RPL39: variants seen among roughly 807,000 people sequenced by gnomAD.
RPL39 encodes ribosomal protein L39.
For synonymous variants in RPL39, 8 were observed against 11.4 expected (o/e 0.70, Z 0.60); for missense variants, 6 against 37.2 (o/e 0.16, Z 2.18).
Position 119,791,569 on chromosome X carries a change from C to T in RPL39, c.3+5G>A. On this transcript the variant is annotated splice_donor_5th_base_variant and intron_variant, in intron 1 of 2. Coordinates refer to ENST00000361575, the MANE Select transcript of RPL39 (RefSeq NM_001000.4). ...CCCGGGGCCGATGGGGGCCGATGGA[C>T]TTACCATGGCGAGCAGCGGAGTCAA... is the stretch of plus-strand genomic sequence containing the variant. 1 of 1,173,551 alleles carries T rather than the reference C, an allele frequency of 8.5e-7. No homozygotes were observed. Among genetic ancestry groups the T allele is most frequent in the Non-Finnish European group, 1.1e-6 (1 of 875,440 alleles).
chrX:119,791,547 G>A (rs1354048285), intron 1 of RPL39, 27 bp downstream of exon 1: 3 of 1,135,362 alleles, frequency 2.6e-6, no homozygotes, highest in Non-Finnish European at 3.5e-6. Context: ...AAGCCACCCC[G>A]GGGCCGATGG....
At position 119,788,531 on chromosome X, in the gene RPL39, C is replaced by CAAA. The variant is rs11410623; in HGVS notation, c.107+1374_107+1376dup. 2.1e-3 allele frequency among the ~76,000 whole-genome samples: 190 copies of CAAA among 91,624 alleles called. 2 individuals carry two copies. The highest frequency in any genetic ancestry group is 7.4e-3 in the African/African-American group (185 of 24,997). The allele number at this position is 91,624 out of a possible 115,157, so 79.6% of individuals were successfully genotyped here. On this transcript the variant is annotated intron_variant, in intron 2 of 2. Coordinates refer to ENST00000361575, the MANE Select transcript of RPL39 (RefSeq NM_001000.4). The stretch of plus-strand genomic sequence containing the variant: ...GGGCAATGAGAGCAAAACTCCATCT[C>CAAA]AAAAAAAAAAAAAAGAGAAAGTGCT...
intron 1 of RPL39, chrX:119,790,378 G>C (rs1358876313): frequency 7.6e-6 from 1 of 131,169 alleles, no homozygotes; most frequent in African/African-American, 3.1e-5. Context: ...AATGGCTAGG[G>C]AATCTGGCTT....
At chrX:119,789,513 T>C (rs2147733967) in intron 2 of RPL39, among the ~76,000 whole-genome samples, 1 of 112,116 alleles carries the variant, frequency 8.9e-6, no homozygotes, top group East Asian at 2.8e-4. Context: ...GCCGAGATTG[T>C]GCCACTGCAC....
At chrX:119,790,150 C>A in intron 1 of RPL39, 139 bp from the exon 2 acceptor site, 1 of 411,445 alleles carries the variant, frequency 2.4e-6, no homozygotes, top group Non-Finnish European at 4.3e-6. Context: ...AGCCATCAAG[C>A]CAAGCAAGTC....
chrX:119,786,660 G>C lies in RPL39; in HGVS notation c.*24C>G. The C allele has an allele frequency of 9.0e-7, 1 of 1,109,029 alleles. No homozygotes were observed. Among genetic ancestry groups the C allele is most frequent in the Non-Finnish European group, 1.2e-6 (1 of 805,606 alleles). 91.4% of individuals were successfully genotyped at this position (1,109,029 alleles called of 1,213,427 possible). The stretch of plus-strand genomic sequence containing the variant: ...CGTGACCTTCAGACAGCATAAATAT[G>C]TGTGCCATCTCATGTGCAATTCCTT... On this transcript the variant is annotated 3_prime_UTR_variant, in exon 3 of 3. Transcript: ENST00000361575.
In RPL39 at chrX:119,786,651, C is replaced by A. The variant is rs751288978; in HGVS notation, c.*33G>T. ...TAACATGATCGTGACCTTCAGACAG[C>A]ATAAATATGTGTGCCATCTCATGTG... On this transcript the variant is annotated 3_prime_UTR_variant, in exon 3 of 3. Coordinates refer to ENST00000361575, the MANE Select transcript of RPL39 (RefSeq NM_001000.4). 2 of 1,075,692 alleles carry A rather than the reference C, an allele frequency of 1.9e-6. No individual in the cohort carries two copies. Among genetic ancestry groups the A allele is most frequent in the Non-Finnish European group, 2.6e-6 (2 of 775,880 alleles). The allele number at this position is 1,075,692 out of a possible 1,213,427, so 88.6% of individuals were successfully genotyped here.
intron 2 of RPL39, among the ~76,000 whole-genome samples, chrX:119,787,854 C>T (rs999767398): frequency 2.6e-4 from 29 of 110,633 alleles, no homozygotes; most frequent in Non-Finnish European, 3.8e-5. Flanking sequence ...GGGGTGGTCT[C>T]CCTATGTTGC....
chrX:119,787,205 T>C (rs1455939140), intron 2 of RPL39: 1 of 271,227 alleles, frequency 3.7e-6, no homozygotes, highest in Non-Finnish European at 6.9e-6. Context: ...CAGGCTGGTC[T>C]CGAACTGGCT....
At chrX:119,788,531 C>CA (rs11410623) in intron 2 of RPL39, among the ~76,000 whole-genome samples, 14,124 of 91,470 alleles carry the variant, frequency 0.15, 1,479 homozygotes, top group African/African-American at 0.34. Context: ...AACTCCATCT[C>CA]AAAAAAAAAA....
chrX:119,787,151 G>T (rs1319014783), intron 2 of RPL39: 1 of 244,486 alleles, frequency 4.1e-6, no homozygotes, highest in African/African-American at 2.9e-5. Context: ...GCTAATTTTT[G>T]TATTTTTGTA....
At chrX:119,791,515 G>A in intron 1 of RPL39, 59 bp downstream of exon 1, 2 of 1,069,887 alleles carry the variant, frequency 1.9e-6, no homozygotes, top group Non-Finnish European at 2.4e-6. Context: ...GGCATTTCCT[G>A]GCAGCGGCCT....
Position 119,786,584 on chromosome X carries a change from T to C in RPL39, c.*100A>G, listed in dbSNP as rs112173203. 2.9e-3 allele frequency: 1,848 copies of C among 629,465 alleles called. 22 individuals carry two copies. In the African/African-American group the frequency reaches 0.036, roughly 12 times the overall value. 51.9% of individuals were successfully genotyped at this position (629,465 alleles called of 1,213,427 possible). ...TAACAGATTCAGAGAGGAAAACACG[T>C]CGAAATCTCCAGATAGTGGTGACAT... On this transcript the variant is annotated 3_prime_UTR_variant, in exon 3 of 3. Transcript: ENST00000361575.
At chrX:119,787,201 G>A (rs1333447632) in intron 2 of RPL39, 2 of 264,204 alleles carry the variant, frequency 7.6e-6, no homozygotes, top group Admixed American at 8.9e-5. Flanking sequence ...TGGCCAGGCT[G>A]GTCTCGAACT....
Position 119,791,609 on chromosome X carries a change from G to A in RPL39, c.-33C>T, listed in dbSNP as rs747983163. The stretch of plus-strand genomic sequence containing the variant: ...AGCGGAGTCAAGAACACACCACGAT[G>A]GCGGAGAAAGGAAGAGGAGGGAAGC... On this transcript the variant is annotated 5_prime_UTR_variant, in exon 1 of 3. Transcript: ENST00000361575. The A allele has an allele frequency of 1.7e-6, 2 of 1,159,991 alleles. No individual in the cohort carries two copies. The highest frequency in any genetic ancestry group is 1.8e-5 in the African/African-American group (1 of 55,492).
chrX:119,786,729 G>A lies in RPL39; in HGVS notation c.111C>T (p.Tyr37=). 1 of 1,203,436 alleles carries A rather than the reference G, an allele frequency of 8.3e-7. No homozygotes were observed. The highest frequency in any genetic ancestry group is 1.1e-6 in the Non-Finnish European group (1 of 889,452). ...TTCTCCAATGTCTCCTTTTGGAGTT[G>A]TACCTACACAGAAAAAAATGTCAAG... ...IRMKTGNKIR[Y]NSKRRHWRRT... is the part of the protein sequence containing the mutation. Residue 37 remains tyrosine (Y), a synonymous_variant, in exon 3 of 3, where the codon TAC becomes TAT. Coordinates refer to ENST00000361575, the MANE Select transcript of RPL39 (RefSeq NM_001000.4).
chrX:119,791,446 G>T, intron 1 of RPL39, 128 bp downstream of exon 1: 1 of 607,946 alleles, frequency 1.6e-6, no homozygotes, highest in South Asian at 5.9e-5. Flanking sequence ...GGCCGAACTG[G>T]ATATTTTCTT....
At chrX:119,788,965 G>T (rs980898466) in intron 2 of RPL39, among the ~76,000 whole-genome samples, 3 of 112,150 alleles carry the variant, frequency 2.7e-5, no homozygotes, top group Non-Finnish European at 5.6e-5. Context: ...TTAGAAAAGA[G>T]AAACATCTAA....
Position 119,786,548 on chromosome X carries a change from C to G in RPL39, c.*136G>C. 4 of 488,177 alleles carry G rather than the reference C, an allele frequency of 8.2e-6. No individual in the cohort carries two copies. The highest frequency in any genetic ancestry group is 1.4e-5 in the Non-Finnish European group (4 of 285,124). The allele number at this position is 488,177 out of a possible 1,213,427, so 40.2% of individuals were successfully genotyped here. A position where few individuals can be genotyped will look rare whatever the true frequency, so the allele number is the denominator to read the frequency against. On this transcript the variant is annotated 3_prime_UTR_variant, in exon 3 of 3. Transcript: ENST00000361575. ...ATATTTATTACTGAATCCAGCCAAC[C>G]AACGTGTTCATAACAGATTCAGAGA...
Sources: gnomAD v4.1 joint callset for allele counts (sites outside exome capture counted in the v4.1 genomes callset) on GRCh38, gnomAD v4.1.1 for gene constraint, MANE v1.5 for transcripts, NCBI Gene and HGNC (gene_info 2026-07-23, HGNC 2026-07-21) for gene names.